RNF220: variants seen among roughly 807,000 people sequenced by gnomAD.
The protein encoded by RNF220 is ring finger protein 220.
A neutral mutation model predicts 67.1 loss-of-function variants in RNF220; 7 were observed. The ratio of observed to expected loss-of-function variants is 0.10; its 90% CI spans 0.06 to 0.20. The LOEUF is 0.20. RNF220 is among the 10% of genes least tolerant of loss of function. The pLI is 1.00. For synonymous variants in RNF220, 270 were observed against 283.2 expected (o/e 0.95, Z 0.47); for missense variants, 565 against 740.3 (o/e 0.76, Z 2.75).
intron 2 of RNF220, among the ~76,000 whole-genome samples, chr1:44,509,482 G>A (rs1326636099): frequency 6.0e-5 from 9 of 151,066 alleles, no homozygotes; most frequent in African/African-American, 1.2e-4. Context: ...CCCAGGAGGC[G>A]GAGCTTGCAG....
At chr1:44,583,734 G>A (rs544533497) in intron 2 of RNF220, among the ~76,000 whole-genome samples, 331 of 152,298 alleles carry the variant, frequency 2.2e-3, no homozygotes, top group Non-Finnish European at 3.1e-3. Context: ...TAACCTGTAC[G>A]TCCTTCCTTC....
chr1:44,441,292 T>G (rs1326330779), intron 2 of RNF220, among the ~76,000 whole-genome samples: 1 of 152,126 alleles, frequency 6.6e-6, no homozygotes, highest in Admixed American at 6.5e-5. Flanking sequence ...GCCAGGAAAG[T>G]CATGCCTGGC....
chr1:44,450,955 G>A (rs1279888412), intron 2 of RNF220, among the ~76,000 whole-genome samples: 1 of 152,138 alleles, frequency 6.6e-6, no homozygotes, highest in African/African-American at 2.4e-5. Flanking sequence ...AGGCCGAGGT[G>A]GGCGGATCAC....
chr1:44,617,229 G>A (rs1643592920), intron 3 of RNF220, among the ~76,000 whole-genome samples: 1 of 152,170 alleles, frequency 6.6e-6, no homozygotes, highest in Non-Finnish European at 1.5e-5. Context: ...CGAAACGCTG[G>A]CGGCGACGGG....
chr1:44,492,860 A>G (rs1278072509), intron 2 of RNF220, among the ~76,000 whole-genome samples: 1 of 152,092 alleles, frequency 6.6e-6, no homozygotes, highest in Non-Finnish European at 1.5e-5. Flanking sequence ...CAACTGTTTT[A>G]ATGTACAGGT....
At position 44,581,406 on chromosome 1, in the gene RNF220, G is replaced by A. The variant is rs377561630; in HGVS notation, c.626-32759G>A. Among the ~76,000 whole-genome samples the A allele has an allele frequency of 1.1e-4, 16 of 152,332 alleles. No homozygotes were observed. The South Asian group carries it at 3.1e-3, about 30-fold the overall frequency. On this transcript the variant is annotated intron_variant, in intron 2 of 14. Transcript: ENST00000361799. ...GGAGCCTACAGGGACCCTCCCTGGAGAGCAAAGGGCCTCCCCAGGGTGCCG... is the reference window on the plus strand; with the variant it reads ...GGAGCCTACAGGGACCCTCCCTGGAAAGCAAAGGGCCTCCCCAGGGTGCCG...
At chr1:44,648,668 G>A (rs1644711794) in intron 12 of RNF220, 1 of 152,242 alleles carries the variant, frequency 6.6e-6, no homozygotes, top group Non-Finnish European at 1.5e-5. Context: ...AAGGAGCCCT[G>A]GAGGCAGGCC....
intron 2 of RNF220, among the ~76,000 whole-genome samples, chr1:44,466,176 AG>A (rs1654260420): frequency 1.3e-5 from 2 of 152,328 alleles, no homozygotes; most frequent in Admixed American, 1.3e-4. Context: ...CATCTTCACC[AG>A]GAAGTGGATT....
chr1:44,586,669 T>C (rs2148358099), intron 2 of RNF220, among the ~76,000 whole-genome samples: 1 of 152,288 alleles, frequency 6.6e-6, no homozygotes, highest in East Asian at 1.9e-4. Context: ...AGGGAAGGGT[T>C]GGCCCTTTTA....
At chr1:44,432,690 C>T (rs1211167733) in intron 2 of RNF220, among the ~76,000 whole-genome samples, 1 of 152,122 alleles carries the variant, frequency 6.6e-6, no homozygotes, top group East Asian at 1.9e-4. Context: ...GATCTTCGTG[C>T]ATTAGCCTCC....
intron 2 of RNF220, among the ~76,000 whole-genome samples, chr1:44,452,508 C>T (rs778918546): frequency 6.6e-6 from 1 of 152,104 alleles, no homozygotes; most frequent in East Asian, 1.9e-4. Flanking sequence ...CAGCCGAGAT[C>T]GCGCCACTGC....
At position 44,645,600 on chromosome 1, in the gene RNF220, A is replaced by T; in HGVS notation, c.1445+112A>T. The T allele has an allele frequency of 1.5e-5, 16 of 1,053,324 alleles. No individual in the cohort carries two copies. Among genetic ancestry groups the T allele is most frequent in the Non-Finnish European group, 2.1e-5 (15 of 702,834 alleles). The allele number at this position is 1,053,324 out of a possible 1,614,324, so 65.2% of individuals were successfully genotyped here. A position where few individuals can be genotyped will look rare whatever the true frequency, so the allele number is the denominator to read the frequency against. On this transcript the variant is annotated intron_variant, in intron 12 of 14. Coordinates refer to ENST00000361799, the MANE Select transcript of RNF220 (RefSeq NM_018150.4). This position sits in a 1 kb window ranked among gnomAD's most constrained non-coding sequence, Gnocchi z 5.0. ...CTTCTGGCCCTCCCAAGTGCAGCTC[A>T]GTGCTGCTGCCCTGGGCACACGGCC...
chr1:44,644,636 C>T (rs916389502), intron 8 of RNF220, 62 bp from the exon 9 acceptor site: 40 of 1,360,492 alleles, frequency 2.9e-5, no homozygotes, highest in Non-Finnish European at 3.9e-5. Context: ...CTGGAGGCAA[C>T]AGGAGGGGCA....
chr1:44,470,718 C>A (rs946119539), intron 2 of RNF220, among the ~76,000 whole-genome samples: 1 of 152,216 alleles, frequency 6.6e-6, no homozygotes, highest in Non-Finnish European at 1.5e-5. Context: ...AAGAACTCAT[C>A]AACCTTAAAC....
intron 2 of RNF220, among the ~76,000 whole-genome samples, chr1:44,507,064 C>G (rs1489287690): frequency 6.6e-6 from 1 of 152,112 alleles, no homozygotes; most frequent in Non-Finnish European, 1.5e-5. Flanking sequence ...CAGAGATCCT[C>G]CAGCCCCATA....
At chr1:44,416,758 C>T (rs1648584513) in intron 2 of RNF220, among the ~76,000 whole-genome samples, 1 of 152,216 alleles carries the variant, frequency 6.6e-6, no homozygotes, top group African/African-American at 2.4e-5. Flanking sequence ...TGTGGTCGGG[C>T]AGAGTCACAG....
intron 2 of RNF220, among the ~76,000 whole-genome samples, chr1:44,489,275 C>G (rs1656634938): frequency 6.6e-6 from 1 of 152,182 alleles, no homozygotes; most frequent in African/African-American, 2.4e-5. Context: ...GATATAAAAT[C>G]TTATATAGAC....
At chr1:44,411,056 T>C (rs955318037) in intron 1 of RNF220, among the ~76,000 whole-genome samples, 2 of 152,208 alleles carry the variant, frequency 1.3e-5, no homozygotes, top group Non-Finnish European at 2.9e-5. Flanking sequence ...AGTCAGAAAT[T>C]TTGTTAACAT....
chr1:44,483,691 G>T (rs906709905), intron 2 of RNF220, among the ~76,000 whole-genome samples: 2 of 152,150 alleles, frequency 1.3e-5, no homozygotes, highest in Admixed American at 6.5e-5. Flanking sequence ...GCGGTGGCAG[G>T]CTAGATAAGG....
Sources: allele counts gnomAD v4.1 joint callset (sites outside exome capture counted in the v4.1 genomes callset), GRCh38; gene constraint gnomAD v4.1.1; non-coding constraint Gnocchi (gnomAD v3.1); transcripts MANE v1.5; gene names NCBI Gene and HGNC (gene_info 2026-07-23, HGNC 2026-07-21).